Variants in ARFGEF1 observed in about 807,000 individuals in gnomAD.
The protein encoded by ARFGEF1 is brefeldin A-inhibited guanine nucleotide-exchange protein 1.
In ARFGEF1, 42 loss-of-function variants were observed where a neutral mutation model predicts 231.0. That is an observed-to-expected ratio of 0.18 (90% CI 0.14 to 0.24). ARFGEF1 has a LOEUF of 0.24. Ranked by LOEUF, ARFGEF1 falls within the 10% of genes least tolerant of loss-of-function variation. ARFGEF1 has a pLI of 1.00. For synonymous variants in ARFGEF1, 710 were observed against 732.3 expected (o/e 0.97, Z 0.49); for missense variants, 1,345 against 2,192.0 (o/e 0.61, Z 7.72).
chr8:67,317,850 G>A (rs1221147104), intron 1 of ARFGEF1, among the ~76,000 whole-genome samples: 2 of 146,850 alleles, frequency 1.4e-5, no homozygotes, highest in South Asian at 2.2e-4. Flanking sequence ...AGTGAACTGC[G>A]ATTGTGCCAC....
intron 5 of ARFGEF1, among the ~76,000 whole-genome samples, chr8:67,185,881 A>G (rs1479108296): frequency 6.6e-6 from 1 of 152,214 alleles, no homozygotes; most frequent in Non-Finnish European, 1.5e-5. Context: ...CACCAAGATC[A>G]AAAGGACAAG....
At chr8:67,254,925 G>A (rs1840407782) in intron 17 of ARFGEF1, among the ~76,000 whole-genome samples, 1 of 150,550 alleles carries the variant, frequency 6.6e-6, no homozygotes. Context: ...AAAGAAAGAA[G>A]CTTTTTTACC....
In ARFGEF1 at chr8:67,291,619, T is replaced by A. The variant is rs557344385; in HGVS notation, c.916+228A>T. 1.2e-4 allele frequency among the ~76,000 whole-genome samples: 19 copies of A among 152,250 alleles called. 1 individual carries two copies. In the South Asian group the frequency reaches 3.9e-3, roughly 32 times the overall value. On this transcript the variant is annotated intron_variant, in intron 6 of 38. Coordinates refer to ENST00000262215, the MANE Select transcript of ARFGEF1 (RefSeq NM_006421.5). Reference sequence around the variant, plus strand: ...CTGCGCTCCAAAGGAAATCTATAAATCATACTGCTCATGAGATGCTAATAA... The same window carrying A: ...CTGCGCTCCAAAGGAAATCTATAAAACATACTGCTCATGAGATGCTAATAA...
At position 67,258,056 on chromosome 8, in the gene ARFGEF1, C is replaced by T. The variant is rs768430162; in HGVS notation, c.2441+29G>A. ...AGCACAGTGGTTTGGATATAACAGA[C>T]AATCAATGAGCATTTGAACCTTATT... On this transcript the variant is annotated intron_variant, in intron 16 of 38. Coordinates refer to ENST00000262215, the MANE Select transcript of ARFGEF1 (RefSeq NM_006421.5). 6 of 1,571,734 alleles carry T rather than the reference C, an allele frequency of 3.8e-6. No individual in the cohort carries two copies. The South Asian group carries it at 5.6e-5, about 15-fold the overall frequency.
At chr8:67,298,131 T>C (rs908283522) in intron 4 of ARFGEF1, among the ~76,000 whole-genome samples, 5 of 151,980 alleles carry the variant, frequency 3.3e-5, no homozygotes, top group Admixed American at 6.5e-5. Context: ...AATAAAGATA[T>C]TGTATGGCTT....
chr8:67,200,711 G>A (rs1368236459), intron 37 of ARFGEF1, among the ~76,000 whole-genome samples, 198 bp from the exon 38 acceptor site: 1 of 152,290 alleles, frequency 6.6e-6, no homozygotes, highest in East Asian at 1.9e-4. Flanking sequence ...GTTAAAAGAA[G>A]CCATTGTAAC....
At chr8:67,289,132 T>G (rs1204979958) in intron 6 of ARFGEF1, among the ~76,000 whole-genome samples, 2 of 152,166 alleles carry the variant, frequency 1.3e-5, no homozygotes, top group Non-Finnish European at 2.9e-5. Context: ...GCAGCTCAAC[T>G]ATCACTTTAG....
At chr8:67,275,191 G>A (rs11993314) in intron 9 of ARFGEF1, among the ~76,000 whole-genome samples, 10 of 152,018 alleles carry the variant, frequency 6.6e-5, no homozygotes, top group African/African-American at 2.2e-4. Context: ...TCTGCTCCAA[G>A]GTTTCTTTCT....
intron 19 of ARFGEF1, among the ~76,000 whole-genome samples, chr8:67,244,075 T>C (rs911627969): frequency 1.3e-5 from 2 of 151,312 alleles, no homozygotes; most frequent in African/African-American, 4.9e-5. Flanking sequence ...ACCCTGTCTC[T>C]ACTAAAAATA....
downstream of ARFGEF1, among the ~76,000 whole-genome samples, chr8:67,195,019 A>G (rs1837579897): frequency 6.6e-6 from 1 of 152,234 alleles, no homozygotes; most frequent in Admixed American, 6.5e-5. Flanking sequence ...ATGTGTAGCC[A>G]TTAGGCTTCT....
chr8:67,205,670 A>C (rs1838485149), intron 34 of ARFGEF1, among the ~76,000 whole-genome samples: 1 of 151,864 alleles, frequency 6.6e-6, no homozygotes, highest in Non-Finnish European at 1.5e-5. Context: ...CAGCCTGCTC[A>C]ACATGATGAA....
chr8:67,290,020 A>C (rs1409994842), intron 6 of ARFGEF1, among the ~76,000 whole-genome samples: 1 of 152,234 alleles, frequency 6.6e-6, no homozygotes, highest in Non-Finnish European at 1.5e-5. Context: ...CATGTAGGAA[A>C]TGCTTAGAGA....
At position 67,242,375 on chromosome 8, in the gene ARFGEF1, C is replaced by T. The variant is rs75833127; in HGVS notation, c.2851-2085G>A. Among the ~76,000 whole-genome samples, 675 of 152,366 alleles carry T rather than the reference C, an allele frequency of 4.4e-3. 10 individuals are homozygous for T. Among genetic ancestry groups the T allele is most frequent in the African/African-American group, 0.015 (642 of 41,594 alleles). ...TGCATCTCTAAAACCAGCTCAGCCA[C>T]AGCAGGACAGGGCACCAGGCAGAGG... On this transcript the variant is annotated intron_variant, in intron 19 of 38. Transcript: ENST00000262215.
chr8:67,324,352 C>T (rs947440372), intron 1 of ARFGEF1, among the ~76,000 whole-genome samples: 2 of 152,102 alleles, frequency 1.3e-5, no homozygotes, highest in African/African-American at 2.4e-5. Context: ...CTTTCTTTGC[C>T]AAACTGTATT....
chr8:67,189,217 C>T (rs780562343), intron 5 of ARFGEF1, among the ~76,000 whole-genome samples: 66 of 152,268 alleles, frequency 4.3e-4, no homozygotes, highest in Non-Finnish European at 7.6e-4. Flanking sequence ...CAGCTTCTTA[C>T]AAAAATAAGC....
At chr8:67,256,482 C>T (rs1202558870) in intron 17 of ARFGEF1, among the ~76,000 whole-genome samples, 1 of 152,030 alleles carries the variant, frequency 6.6e-6, no homozygotes, top group East Asian at 1.9e-4. Context: ...CATCTCAAAA[C>T]AGACACAAAA....
At chr8:67,210,731 G>C (rs1055578676) in intron 34 of ARFGEF1, among the ~76,000 whole-genome samples, 1 of 152,156 alleles carries the variant, frequency 6.6e-6, no homozygotes, top group Non-Finnish European at 1.5e-5. Flanking sequence ...TCTACCAGAG[G>C]ATGTCCAAAT....
chr8:67,226,895 T>C (rs1216837948), intron 27 of ARFGEF1, among the ~76,000 whole-genome samples: 1 of 152,104 alleles, frequency 6.6e-6, no homozygotes, highest in Non-Finnish European at 1.5e-5. Context: ...TGGACAATAA[T>C]GTTTAACTGT....
At chr8:67,205,707 A>G (rs1241260130) in intron 34 of ARFGEF1, among the ~76,000 whole-genome samples, 1 of 151,938 alleles carries the variant, frequency 6.6e-6, no homozygotes, top group Non-Finnish European at 1.5e-5. Flanking sequence ...GCTACAAAAA[A>G]ATGTGCCAGG....
Sources: gnomAD v4.1 joint callset for allele counts (sites outside exome capture counted in the v4.1 genomes callset) on GRCh38, gnomAD v4.1.1 for gene constraint, MANE v1.5 for transcripts, NCBI Gene and HGNC (gene_info 2026-07-23, HGNC 2026-07-21) for gene names.